Variants in SUGCT observed in about 807,000 individuals in gnomAD.
SUGCT encodes succinyl-CoA:glutarate CoA-transferase.
A neutral mutation model predicts 55.0 loss-of-function variants in SUGCT; 41 were observed. The ratio of observed to expected loss-of-function variants is 0.74; its 90% CI spans 0.58 to 0.97. The LOEUF is 0.97. SUGCT is among the 50% of genes least tolerant of loss of function. SUGCT has a pLI of 0.00. For synonymous variants in SUGCT, 187 were observed against 200.4 expected, an observed-to-expected ratio of 0.93 and a Z score of 0.56; for missense variants, 568 against 547.8, an observed-to-expected ratio of 1.04 and a Z score of -0.37.
At chr7:40,633,329 C>T (rs1469134544) in intron 12 of SUGCT, among the ~76,000 whole-genome samples, 1 of 152,226 alleles carries the variant, frequency 6.6e-6, no homozygotes, top group African/African-American at 2.4e-5. Flanking sequence ...GAACATTTCT[C>T]CTTCATTTTT....
At chr7:40,514,383 C>T (rs186963300) in intron 12 of SUGCT, among the ~76,000 whole-genome samples, 62 of 152,048 alleles carry the variant, frequency 4.1e-4, no homozygotes, top group Admixed American at 1.7e-3. Flanking sequence ...TACTATTTTA[C>T]AGAAAAATAT....
the SUGCT span, among the ~76,000 whole-genome samples, chr7:40,919,625 T>C: frequency 6.6e-6 from 1 of 152,180 alleles, no homozygotes; most frequent in Non-Finnish European, 1.5e-5. Context: ...ACCCAAGGTT[T>C]CTTAATTTAT....
chr7:40,473,001 A>G lies in SUGCT; in HGVS notation c.986+13803A>G, dbSNP rs189485836. On this transcript the variant is annotated intron_variant, in intron 11 of 13. Transcript: ENST00000335693. ...CTTACAAATGCATTGAGAAAGTTGT[A>G]TATTTTTCTTTCTTTGATTTTTCTA... Among the ~76,000 whole-genome samples the G allele has an allele frequency of 1.4e-3, 209 of 152,288 alleles. 1 individual carries two copies. The highest frequency in any genetic ancestry group is 2.5e-3 in the Non-Finnish European group (172 of 68,000).
chr7:40,222,535 T>C (rs1788074261), intron 6 of SUGCT, among the ~76,000 whole-genome samples: 1 of 152,210 alleles, frequency 6.6e-6, no homozygotes, highest in Non-Finnish European at 1.5e-5. Flanking sequence ...ACATGGTAGC[T>C]ACTCAGATAT....
chr7:40,248,888 G>GCGCACACACACA (rs774950218), intron 7 of SUGCT, among the ~76,000 whole-genome samples: 51 of 135,574 alleles, frequency 3.8e-4, no homozygotes, highest in Middle Eastern at 3.7e-3. Context: ...GCGCGCGCTC[G>GCGCACACACACA]CACACACACA....
At chr7:40,697,370 C>T (rs1281383641) in intron 12 of SUGCT, among the ~76,000 whole-genome samples, 4 of 152,154 alleles carry the variant, frequency 2.6e-5, no homozygotes, top group Non-Finnish European at 5.9e-5. Context: ...TGCAGTGGCT[C>T]ATGCCTGTAA....
the SUGCT span, among the ~76,000 whole-genome samples, chr7:40,955,001 C>T: frequency 6.6e-6 from 1 of 152,122 alleles, no homozygotes; most frequent in Non-Finnish European, 1.5e-5. Context: ...GTCCATATAT[C>T]TGTTTTGGTA....
chr7:40,526,935 C>G (rs1793830586), intron 12 of SUGCT, among the ~76,000 whole-genome samples: 1 of 152,090 alleles, frequency 6.6e-6, no homozygotes, highest in Non-Finnish European at 1.5e-5. Context: ...GTCTATCTTG[C>G]TATTTGATAT....
At chr7:40,279,028 G>GT (rs1792756754) in intron 8 of SUGCT, among the ~76,000 whole-genome samples, 1 of 149,982 alleles carries the variant, frequency 6.7e-6, no homozygotes, top group Admixed American at 6.7e-5. Flanking sequence ...GAGATGGGGG[G>GT]GTCTGACTGT....
rs541542833 is a variant in SUGCT at position 40,357,902 on chromosome 7, G to A, written c.816+41047G>A. Among the ~76,000 whole-genome samples, 309 of 152,204 alleles carry A rather than the reference G, an allele frequency of 2.0e-3. 1 individual carries two copies. Among genetic ancestry groups the A allele is most frequent in the African/African-American group, 4.3e-3 (178 of 41,540 alleles). On this transcript the variant is annotated intron_variant, in intron 9 of 13. Transcript: ENST00000335693. The stretch of plus-strand genomic sequence containing the variant: ...GCAGGCTGAATTTGGCCAGTATGGC[G>A]TTGTTTGCTGACCCCTACTGTTGAG...
intron 6 of SUGCT, among the ~76,000 whole-genome samples, chr7:40,212,574 C>T (rs953583207): frequency 7.9e-5 from 12 of 151,676 alleles, no homozygotes; most frequent in African/African-American, 2.7e-4. Context: ...TTGCTCTGTC[C>T]GCCAGGCTGG....
intron 12 of SUGCT, among the ~76,000 whole-genome samples, chr7:40,622,057 A>G (rs1004274524): frequency 6.6e-6 from 1 of 152,196 alleles, no homozygotes; most frequent in Non-Finnish European, 1.5e-5. Flanking sequence ...ATCTGGTGCC[A>G]TCAGTTAAAA....
the SUGCT span, among the ~76,000 whole-genome samples, chr7:40,874,812 A>G: frequency 4.4e-4 from 67 of 152,264 alleles, 1 homozygote; most frequent in Middle Eastern, 6.8e-3. Context: ...TTCAAGATCT[A>G]TCCTTTTCTG....
chr7:40,479,771 G>A (rs1790919852), intron 11 of SUGCT, among the ~76,000 whole-genome samples: 1 of 152,100 alleles, frequency 6.6e-6, no homozygotes, highest in African/African-American at 2.4e-5. Flanking sequence ...CTGACATAGC[G>A]AAGTTGAGCA....
At chr7:40,679,630 C>T (rs1784152714) in intron 12 of SUGCT, among the ~76,000 whole-genome samples, 1 of 152,158 alleles carries the variant, frequency 6.6e-6, no homozygotes. Flanking sequence ...AATACCTTTT[C>T]TGGCATGGAC....
the SUGCT span, among the ~76,000 whole-genome samples, chr7:41,012,633 TCCAAGTG>T: frequency 1.3e-5 from 2 of 152,138 alleles, no homozygotes; most frequent in Non-Finnish European, 2.9e-5. Flanking sequence ...CATTAGTGGA[TCCAAGTG>T]CCTCATTTAT....
intron 1 of SUGCT, among the ~76,000 whole-genome samples, chr7:40,146,117 T>G (rs1752516778): frequency 1.3e-5 from 2 of 152,124 alleles, no homozygotes; most frequent in African/African-American, 2.4e-5. Flanking sequence ...TTTTTTTGAC[T>G]TAGTATAGTT....
At chr7:40,308,372 A>G (rs1055800154) in intron 8 of SUGCT, among the ~76,000 whole-genome samples, 51 of 152,288 alleles carry the variant, frequency 3.3e-4, no homozygotes, top group African/African-American at 1.1e-3. Flanking sequence ...TTAAGTATTA[A>G]CATACTTAAT....
At chr7:40,825,747 T>C (rs912846014) in intron 13 of SUGCT, among the ~76,000 whole-genome samples, 4 of 152,092 alleles carry the variant, frequency 2.6e-5, no homozygotes, top group Admixed American at 2.6e-4. Context: ...ACAGGCAACC[T>C]TCCCAGTTAG....
Sources: gnomAD v4.1 joint callset for allele counts (sites outside exome capture counted in the v4.1 genomes callset) on GRCh38, gnomAD v4.1.1 for gene constraint, MANE v1.5 for transcripts, NCBI Gene and HGNC (gene_info 2026-07-23, HGNC 2026-07-21) for gene names.